Variants in IGFBP5 observed in about 807,000 individuals in gnomAD.
The protein encoded by IGFBP5 is insulin like growth factor binding protein 5, also known as insulin-like growth factor-binding protein 5.
In IGFBP5, 12 loss-of-function variants were observed where a neutral mutation model predicts 28.0. The observed-to-expected ratio is 0.43, with a 90% CI of 0.27 to 0.69. The LOEUF (loss-of-function observed/expected upper bound fraction) is 0.69. IGFBP5 is among the 30% of genes least tolerant of loss of function. The pLI is 0.20. For missense variants in IGFBP5, 344 were observed against 381.6 expected (o/e 0.90, Z 0.82); for synonymous variants, 152 against 150.2 (o/e 1.01, Z -0.09).
chr2:216,682,934 T>A (rs960301133), intron 1 of IGFBP5, among the ~76,000 whole-genome samples: 1 of 151,986 alleles, frequency 6.6e-6, no homozygotes, highest in Non-Finnish European at 1.5e-5. Context: ...GGTCTCGATC[T>A]CCTGACCTCG....
chr2:216,687,849 C>A (rs148339639), intron 1 of IGFBP5, among the ~76,000 whole-genome samples: 1 of 152,262 alleles, frequency 6.6e-6, no homozygotes, highest in East Asian at 1.9e-4. Context: ...CAGAAGGGGG[C>A]GGCAGGGAGG....
intron 1 of IGFBP5, among the ~76,000 whole-genome samples, chr2:216,682,522 G>A (rs999942458): frequency 7.2e-5 from 11 of 152,278 alleles, no homozygotes; most frequent in African/African-American, 2.4e-4. Context: ...GGTTGCAGAA[G>A]GGATCTAGGC....
chr2:216,678,300 G>T, intron 2 of IGFBP5, 69 bp from the exon 3 acceptor site: 1 of 1,423,484 alleles, frequency 7.0e-7, no homozygotes, highest in Non-Finnish European at 9.3e-7. Flanking sequence ...CTGACGAATG[G>T]CCCAGGGGGT....
intron 1 of IGFBP5, among the ~76,000 whole-genome samples, chr2:216,682,581 G>A (rs1316810462): frequency 6.6e-6 from 1 of 152,160 alleles, no homozygotes; most frequent in African/African-American, 2.4e-5. Context: ...CACGTGAACA[G>A]CAAAAGAACT....
At chr2:216,691,454 ACCGCTATTTACTGAGCTTTGC>A (rs1689094674) in intron 1 of IGFBP5, among the ~76,000 whole-genome samples, 1 of 151,982 alleles carries the variant, frequency 6.6e-6, no homozygotes, top group Non-Finnish European at 1.5e-5. Context: ...CCCTCCACTC[ACCGCTATTTACTGAGCTTTGC>A]CCATCAAATA....
Position 216,679,357 on chromosome 2 carries a change from TG to T in IGFBP5, c.338-279del. 2.0e-6 allele frequency: 1 copy of T among 509,644 alleles called. No homozygotes were observed. Among genetic ancestry groups the T allele is most frequent in the Non-Finnish European group, 3.6e-6 (1 of 277,714 alleles). The allele number at this position is 509,644 out of a possible 1,614,324, so 31.6% of individuals were successfully genotyped here. On this transcript the variant is annotated intron_variant, in intron 1 of 3. Transcript: ENST00000233813. The surrounding 1 kb of genome is among the most constrained non-coding windows in gnomAD (Gnocchi z 4.6). ...GAGAATCGAGAGACTGACAGACTGA[TG>T]GGTGAGGACGGAGCAGGCCTTCTGG...
rs529363703 is a variant in IGFBP5, at chr2:216,676,271, G to A, written c.*480C>T. ...ATCCATCCTGGGAAACCCCAATAGTGTCATTGATTGCCACATCCTGGGCTG... is the reference window on the plus strand; with the variant it reads ...ATCCATCCTGGGAAACCCCAATAGTATCATTGATTGCCACATCCTGGGCTG... On this transcript the variant is annotated 3_prime_UTR_variant, in exon 4 of 4. Transcript: ENST00000233813. The A allele has an allele frequency of 1.4e-4, 22 of 156,354 alleles. 2 individuals are homozygous for A. In the South Asian group the frequency reaches 4.3e-3, roughly 31 times the overall value. 9.7% of individuals were successfully genotyped at this position (156,354 alleles called of 1,614,324 possible).
rs1201775174 is a variant in IGFBP5 at position 216,676,804 on chromosome 2, A to C, written c.766T>G (p.Tyr256Asp). The change falls in exon 4 of 4, where the codon TAC (tyrosine) becomes GAC (aspartate). Residue 256 changes from tyrosine to aspartate, a missense_variant. Around this residue, in one of 3 missense-constraint regions of IGFBP5, gnomAD observed 36 missense variants for 34.1 expected, o/e 1.06. Transcript: ENST00000233813. ...KYGMKLPGME[Y>D]VDGDFQCHTF... ...TGGCACTGAAAGTCCCCGTCAACGT[A>C]CTCCATGCCTGGCAGCTTCATCCCG... 1 of 1,613,626 alleles carries C rather than the reference A, an allele frequency of 6.2e-7. No homozygotes were observed. Among genetic ancestry groups the C allele is most frequent in the Non-Finnish European group, 8.5e-7 (1 of 1,179,850 alleles).
At chr2:216,693,469 A>C (rs1405281798) in intron 1 of IGFBP5, among the ~76,000 whole-genome samples, 1 of 149,488 alleles carries the variant, frequency 6.7e-6, no homozygotes, top group Admixed American at 6.7e-5. Flanking sequence ...CGGAGGGAGG[A>C]ATTGCGGGGC....
chr2:216,691,305 G>A (rs1312213124), intron 1 of IGFBP5, among the ~76,000 whole-genome samples: 1 of 152,110 alleles, frequency 6.6e-6, no homozygotes, highest in African/African-American at 2.4e-5. Flanking sequence ...AGAACCCACG[G>A]CTCCCTACAT....
Position 216,679,124 on chromosome 2 carries a change from G to T in IGFBP5, c.338-45C>A. 6.5e-7 allele frequency: 1 copy of T among 1,542,376 alleles called. No homozygotes were observed. Among genetic ancestry groups the T allele is most frequent in the South Asian group, 1.1e-5 (1 of 89,460 alleles). On this transcript the variant is annotated intron_variant, in intron 1 of 3. Coordinates refer to ENST00000233813, the MANE Select transcript of IGFBP5 (RefSeq NM_000599.4). The surrounding 1 kb of genome is among the most constrained non-coding windows in gnomAD (Gnocchi z 4.6). ...AGGGTCAGCCCCCGTGGGCCAAGGT[G>T]CACACGGCCAGAGCCCAGGGCTGGG...
At chr2:216,683,306 G>A (rs1198986246) in intron 1 of IGFBP5, among the ~76,000 whole-genome samples, 1 of 152,166 alleles carries the variant, frequency 6.6e-6, no homozygotes, top group African/African-American at 2.4e-5. Context: ...AGGCTGAGGT[G>A]AGCCATGATT....
chr2:216,684,638 T>G (rs896838464), intron 1 of IGFBP5, among the ~76,000 whole-genome samples: 23 of 152,240 alleles, frequency 1.5e-4, no homozygotes, highest in African/African-American at 4.6e-4. Flanking sequence ...GGTTTCATTC[T>G]AGTCCCCCCT....
rs563493147 is a variant in IGFBP5, at chr2:216,674,569, A to T, written c.*2182T>A. On this transcript the variant is annotated 3_prime_UTR_variant, in exon 4 of 4. Transcript: ENST00000233813. This position sits in a 1 kb window ranked among gnomAD's most constrained non-coding sequence, Gnocchi z 4.4. ...CCGCTGTGTCATGCCATGAGCAAAG[A>T]GTGAAGAGAGCTGTGTCCACAGCAC... 6.6e-6 allele frequency: 1 copy of T among 152,366 alleles called. No individual in the cohort carries two copies. Among genetic ancestry groups the T allele is most frequent in the Non-Finnish European group, 1.5e-5 (1 of 68,040 alleles). 9.4% of individuals were successfully genotyped at this position (152,366 alleles called of 1,614,324 possible).
chr2:216,676,553 T>C lies in IGFBP5; in HGVS notation c.*198A>G. The C allele has an allele frequency of 2.4e-6, 1 of 414,432 alleles. No individual in the cohort carries two copies. Among genetic ancestry groups the C allele is most frequent in the Non-Finnish European group, 4.3e-6 (1 of 230,318 alleles). The allele number at this position is 414,432 out of a possible 1,614,324, so 25.7% of individuals were successfully genotyped here. Reference sequence around the variant, plus strand: ...AAGGGGGGGGGTGTCTTTTTAGCTTTTTGCATCTCTGTTGTTGCCATTTTC... The same window carrying C: ...AAGGGGGGGGGTGTCTTTTTAGCTTCTTGCATCTCTGTTGTTGCCATTTTC... On this transcript the variant is annotated 3_prime_UTR_variant, in exon 4 of 4. Coordinates refer to ENST00000233813, the MANE Select transcript of IGFBP5 (RefSeq NM_000599.4).
intron 1 of IGFBP5, among the ~76,000 whole-genome samples, chr2:216,682,325 T>G (rs1047709485): frequency 1.8e-4 from 27 of 152,020 alleles, no homozygotes; most frequent in African/African-American, 6.0e-4. Flanking sequence ...GGCAGAGCCA[T>G]GGAGATTAAA....
Position 216,679,286 on chromosome 2 carries a change from C to G in IGFBP5, c.338-207G>C. ...TAAGTGGCAGGAAGTTTCTGGCATG[C>G]TTGGAGTCAAGCAGAGAGTGCAGGC... is the stretch of plus-strand genomic sequence containing the variant. On this transcript the variant is annotated intron_variant, in intron 1 of 3. Coordinates refer to ENST00000233813, the MANE Select transcript of IGFBP5 (RefSeq NM_000599.4). The surrounding 1 kb of genome is among the most constrained non-coding windows in gnomAD (Gnocchi z 4.6). 1 of 612,280 alleles carries G rather than the reference C, an allele frequency of 1.6e-6. No individual in the cohort carries two copies. The highest frequency in any genetic ancestry group is 2.5e-5 in the Admixed American group (1 of 40,618). The allele number at this position is 612,280 out of a possible 1,614,324, so 37.9% of individuals were successfully genotyped here.
chr2:216,693,210 G>A (rs571745043), intron 1 of IGFBP5, among the ~76,000 whole-genome samples: 1 of 151,764 alleles, frequency 6.6e-6, no homozygotes, highest in African/African-American at 2.4e-5. Flanking sequence ...CTCAGTCTAA[G>A]GGGGTAGAAC....
chr2:216,687,887 GC>G (rs1294149166), intron 1 of IGFBP5, among the ~76,000 whole-genome samples: 4 of 152,190 alleles, frequency 2.6e-5, no homozygotes, highest in Non-Finnish European at 5.9e-5. Context: ...CTCTCCTGAG[GC>G]CCCGAAGAAG....
Sources: allele counts gnomAD v4.1 joint callset (sites outside exome capture counted in the v4.1 genomes callset), GRCh38; gene constraint gnomAD v4.1.1; regional missense constraint gnomAD v4.1.1; non-coding constraint Gnocchi (gnomAD v3.1); transcripts MANE v1.5; gene names NCBI Gene and HGNC (gene_info 2026-07-23, HGNC 2026-07-21).